Variants in NSD2 observed in about 807,000 individuals in gnomAD.
NSD2 encodes the protein nuclear receptor binding SET domain protein 2.
NSD2 carries 12 observed loss-of-function variants against 139.0 expected under a neutral mutation model. That is an observed-to-expected ratio of 0.09 (90% CI 0.06 to 0.14). The LOEUF is 0.14. Ranked by LOEUF, NSD2 falls within the 10% of genes least tolerant of loss-of-function variation. The probability of loss-of-function intolerance (pLI) is 1.00; values close to 1 mark genes in which losing one functional copy is unlikely to be tolerated. For synonymous variants in NSD2, 669 were observed against 648.7 expected (o/e 1.03, Z -0.48); for missense variants, 1,155 against 1,745.0 (o/e 0.66, Z 6.02).
intron 8 of NSD2, 85 bp downstream of exon 8, chr4:1,938,617 G>C: frequency 8.5e-7 from 1 of 1,178,210 alleles, no homozygotes; most frequent in Non-Finnish European, 1.2e-6. Flanking sequence ...GAAAGGGGAA[G>C]GCTGGGGCTG....
In NSD2 at chr4:1,942,102, T is replaced by G. The variant is rs1032317832; in HGVS notation, c.1881+2324T>G. 5 of 1,240,990 alleles carry G rather than the reference T, an allele frequency of 4.0e-6. No individual in the cohort carries two copies. The highest frequency in any genetic ancestry group is 5.1e-6 in the Non-Finnish European group (5 of 986,012). 76.9% of individuals were successfully genotyped at this position (1,240,990 alleles called of 1,614,324 possible). On this transcript the variant is annotated intron_variant, in intron 9 of 21. Coordinates refer to ENST00000508803, the MANE Select transcript of NSD2 (RefSeq NM_001042424.3). The surrounding 1 kb of genome is among the most constrained non-coding windows in gnomAD (Gnocchi z 4.0). ...ATAGGGTTGGTATTTCAGAACACTT[T>G]AGGTCATGTTGTAGTTTAAATTCTT... is the stretch of plus-strand genomic sequence containing the variant.
chr4:1,980,081 T>A lies in NSD2; in HGVS notation c.*1172T>A, dbSNP rs1727606217. On this transcript the variant is annotated 3_prime_UTR_variant, in exon 22 of 22. Coordinates refer to ENST00000508803, the MANE Select transcript of NSD2 (RefSeq NM_001042424.3). ...ATGTGCCCTCTGCCAGGGCACCTAC[T>A]GAGAGGTGCGGTCCTGGGGGTGGAG... 1 of 233,140 alleles carries A rather than the reference T, an allele frequency of 4.3e-6. No individual in the cohort carries two copies. Among genetic ancestry groups the A allele is most frequent in the East Asian group, 6.0e-5 (1 of 16,578 alleles). 14.4% of individuals were successfully genotyped at this position (233,140 alleles called of 1,614,324 possible). A position where few individuals can be genotyped will look rare whatever the true frequency, so the allele number is the denominator to read the frequency against.
intron 21 of NSD2, among the ~76,000 whole-genome samples, chr4:1,977,089 A>G (rs1299809393): frequency 2.0e-5 from 3 of 152,240 alleles, no homozygotes; most frequent in Non-Finnish European, 4.4e-5. Context: ...GCCTGGCTGC[A>G]CTACAGTGGG....
chr4:1,906,455 G>A (rs148688095), intron 3 of NSD2, among the ~76,000 whole-genome samples: 336 of 151,876 alleles, frequency 2.2e-3, no homozygotes, highest in African/African-American at 7.6e-3. Flanking sequence ...TGCCCAGTTG[G>A]TCTCAAACTC....
chr4:1,924,154 C>T (rs990881022), intron 5 of NSD2, among the ~76,000 whole-genome samples: 1 of 151,926 alleles, frequency 6.6e-6, no homozygotes, highest in African/African-American at 2.4e-5. Flanking sequence ...GGCAACATAG[C>T]AAGATCTTAT....
chr4:1,979,468 A>T lies in NSD2; in HGVS notation c.*559A>T. On this transcript the variant is annotated 3_prime_UTR_variant, in exon 22 of 22. Coordinates refer to ENST00000508803, the MANE Select transcript of NSD2 (RefSeq NM_001042424.3). ...TTTGTACTAATGTGAATTGTTCCTC[A>T]GAAACGCTTCTTTTCCATCCTAGTG... is the stretch of plus-strand genomic sequence containing the variant. 1 of 233,350 alleles carries T rather than the reference A, an allele frequency of 4.3e-6. No homozygotes were observed. Among genetic ancestry groups the T allele is most frequent in the Non-Finnish European group, 8.5e-6 (1 of 118,080 alleles). 14.5% of individuals were successfully genotyped at this position (233,350 alleles called of 1,614,324 possible).
intron 9 of NSD2, chr4:1,941,550 A>T (rs1347444693): frequency 1.9e-6 from 2 of 1,041,162 alleles, no homozygotes; most frequent in Non-Finnish European, 2.3e-6. Flanking sequence ...CATTAGACTT[A>T]AATTTTAATT....
At chr4:1,952,345 C>A in intron 11 of NSD2, 114 bp downstream of exon 11, 1 of 1,475,768 alleles carries the variant, frequency 6.8e-7, no homozygotes, top group East Asian at 2.3e-5. Flanking sequence ...CTCCCCACCC[C>A]CACCGCCTGG....
intron 17 of NSD2, 34 bp from the exon 18 acceptor site, chr4:1,961,001 C>CT (rs754254680): frequency 1.9e-6 from 3 of 1,588,672 alleles, no homozygotes; most frequent in East Asian, 2.2e-5. Flanking sequence ...GGTCAGCACG[C>CT]TTTTTGTCAT....
chr4:1,952,894 G>A, intron 11 of NSD2: 2 of 1,382,106 alleles, frequency 1.4e-6, no homozygotes, highest in African/African-American at 1.4e-5. Context: ...CACCTGGAGA[G>A]TCTCCCAGGC....
At chr4:1,927,163 C>T (rs1577461406) in intron 5 of NSD2, among the ~76,000 whole-genome samples, 1 of 152,328 alleles carries the variant, frequency 6.6e-6, no homozygotes, top group South Asian at 2.1e-4. Flanking sequence ...CACAGGGCTG[C>T]TGGTGTGTCC....
At chr4:1,922,209 A>G (rs184638606) in intron 5 of NSD2, among the ~76,000 whole-genome samples, 1 of 152,332 alleles carries the variant, frequency 6.6e-6, no homozygotes, top group Non-Finnish European at 1.5e-5. Flanking sequence ...GCAGAAGTCT[A>G]TGTAGAAAAC....
intron 1 of NSD2, among the ~76,000 whole-genome samples, chr4:1,873,880 C>G (rs1235114906): frequency 6.6e-6 from 1 of 152,164 alleles, no homozygotes. Context: ...GACAGGGTCT[C>G]TCTATGTGGC....
chr4:1,951,021 C>T (rs1218037476), intron 9 of NSD2, 51 bp from the exon 10 acceptor site: 7 of 1,604,598 alleles, frequency 4.4e-6, no homozygotes, highest in African/African-American at 2.7e-5. Flanking sequence ...GGCATGGCCA[C>T]CCGCTGTGTT....
At position 1,904,207 on chromosome 4, in the gene NSD2, C is replaced by A; in HGVS notation, c.598-9C>A. ...GTGTTAGTGTTTGTCTTCTGTTGTT[C>A]ATTTTCAGATTCCAGCTAAGAAAGA... On this transcript the variant is annotated splice_polypyrimidine_tract_variant and intron_variant, in intron 2 of 21. Transcript: ENST00000508803. The A allele has an allele frequency of 6.2e-7, 1 of 1,611,806 alleles. No homozygotes were observed. The highest frequency in any genetic ancestry group is 1.1e-5 in the South Asian group (1 of 90,770).
chr4:1,960,896 A>C (rs189259380), intron 17 of NSD2, 139 bp from the exon 18 acceptor site: 1 of 598,680 alleles, frequency 1.7e-6, no homozygotes, highest in African/African-American at 1.8e-5. Flanking sequence ...ATTTATGGAG[A>C]CTTTGTACAC....
chr4:1,918,816 T>C (rs1719752044), intron 5 of NSD2, 193 bp downstream of exon 5: 8 of 747,618 alleles, frequency 1.1e-5, no homozygotes, highest in Non-Finnish European at 1.6e-5. Flanking sequence ...ACTTGCACTC[T>C]GGGGTCTTAA....
Position 1,978,893 on chromosome 4 carries a change from TCA to T in NSD2, c.4085_4086del (p.Thr1362ArgfsTer72). 6.4e-7 allele frequency: 1 copy of T among 1,558,550 alleles called. No individual in the cohort carries two copies. The highest frequency in any genetic ancestry group is 1.2e-5 in the South Asian group (1 of 84,466). ...CGGCGGCGGAGGGGCTGGCGGAGAG[TCA>T]CAGAGGGCAAATAGCGCCAGGCGGC... On this transcript the variant is annotated frameshift_variant, in exon 22 of 22. Transcript: ENST00000508803. LOFTEE classifies it high-confidence loss of function.
intron 1 of NSD2, among the ~76,000 whole-genome samples, chr4:1,895,921 A>G (rs954568379): frequency 2.6e-5 from 4 of 152,222 alleles, no homozygotes; most frequent in Non-Finnish European, 5.9e-5. Context: ...AGAGGGGCTC[A>G]GGTGATGATG....
Sources: gnomAD v4.1 joint callset for allele counts (sites outside exome capture counted in the v4.1 genomes callset) on GRCh38, gnomAD v4.1.1 for gene constraint, Gnocchi (gnomAD v3.1) non-coding constraint, MANE v1.5 for transcripts, NCBI Gene and HGNC (gene_info 2026-07-23, HGNC 2026-07-21) for gene names.